The following DNAH17 variants were observed in gnomAD, a reference collection of about 807,000 sequenced individuals.
DNAH17 encodes dynein axonemal heavy chain 17.
Under a neutral mutation model 485.6 loss-of-function variants are expected in DNAH17, and 376 were observed. The ratio of observed to expected loss-of-function variants is 0.77; its 90% CI spans 0.71 to 0.84. The LOEUF (loss-of-function observed/expected upper bound fraction) is 0.84. Ranked by LOEUF, DNAH17 falls within the 40% of genes least tolerant of loss-of-function variation. DNAH17 has a pLI of 0.00. For synonymous variants in DNAH17, 3,031 were observed against 2,405.9 expected, an observed-to-expected ratio of 1.26 and a Z score of -7.60; for missense variants, 6,370 against 5,839.3, an observed-to-expected ratio of 1.09 and a Z score of -2.96.
chr17:78,512,033 GAGC>G (rs1260911029), intron 26 of DNAH17, among the ~76,000 whole-genome samples: 2 of 152,208 alleles, frequency 1.3e-5, no homozygotes, highest in African/African-American at 4.8e-5. Context: ...TGGGCCTAGG[GAGC>G]AGAAGGGCCC....
At chr17:78,485,491 G>A (rs2089561240) in intron 47 of DNAH17, 59 bp downstream of exon 47, 1 of 1,501,092 alleles carries the variant, frequency 6.7e-7, no homozygotes, top group African/African-American at 1.4e-5. Context: ...GGGGACAGGA[G>A]GGAACGGGGA....
chr17:78,511,913 C>T (rs953541503), intron 26 of DNAH17, among the ~76,000 whole-genome samples: 4 of 152,238 alleles, frequency 2.6e-5, no homozygotes, highest in African/African-American at 4.8e-5. Flanking sequence ...TCTCAACACT[C>T]GAAAGGCACC....
In DNAH17 at chr17:78,459,090, C is replaced by T. The variant is rs757495544; in HGVS notation, c.9772G>A (p.Val3258Met). The part of the protein sequence containing the change: ...IVRFYEVYCD[V>M]APKRQALEEA... ...TCCAGTGCCTGCCTCTTGGGCGCCA[C>T]GTCGCAGTAGACCTCGTAGAAGCGG... Residue 3258 changes from valine to methionine, a missense_variant, in exon 61 of 81, where the codon GTG (valine) becomes ATG (methionine). Physicochemically the swap from Val to Met is conservative, Grantham distance 21. Coordinates refer to ENST00000389840, the MANE Select transcript of DNAH17 (RefSeq NM_173628.4). 22 of 1,613,924 alleles carry T rather than the reference C, an allele frequency of 1.4e-5. No homozygotes were observed. The highest frequency in any genetic ancestry group is 4.4e-5 in the South Asian group (4 of 91,094).
Position 78,423,724 on chromosome 17 carries a change from C to G in DNAH17, c.*182G>C, listed in dbSNP as rs1327779311. On this transcript the variant is annotated 3_prime_UTR_variant, in exon 81 of 81. Transcript: ENST00000389840. ...AGTGGCTCCACTGGCTTTAATCTGC[C>G]CCACCTCTTCCACACCAACCTCCAC... 1.3e-6 allele frequency: 1 copy of G among 744,934 alleles called. No homozygotes were observed. The highest frequency in any genetic ancestry group is 2.2e-6 in the Non-Finnish European group (1 of 464,016). The allele number at this position is 744,934 out of a possible 1,614,324, so 46.1% of individuals were successfully genotyped here.
In DNAH17 at chr17:78,451,465, T is replaced by C; in HGVS notation, c.10734+4A>G. The C allele has an allele frequency of 6.2e-7, 1 of 1,605,346 alleles. No individual in the cohort carries two copies. Among genetic ancestry groups the C allele is most frequent in the Non-Finnish European group, 8.5e-7 (1 of 1,175,884 alleles). On this transcript the variant is annotated splice_donor_region_variant and intron_variant, in intron 66 of 80. Transcript: ENST00000389840. ...TCCCGTGTGACCAAACTTCAGGCCA[T>C]TACCTTCAGCTGTTCCAGATCTGGG...
intron 11 of DNAH17, among the ~76,000 whole-genome samples, chr17:78,564,139 G>A (rs1598736437): frequency 6.6e-6 from 1 of 152,012 alleles, no homozygotes; most frequent in East Asian, 1.9e-4. Context: ...ACAGGGTAGG[G>A]GCCTAGGGCT....
intron 73 of DNAH17, 114 bp downstream of exon 73, chr17:78,438,976 C>A: frequency 7.0e-7 from 1 of 1,426,316 alleles, no homozygotes; most frequent in South Asian, 1.5e-5. Flanking sequence ...GGATTTCCAC[C>A]CACATTTCTG....
rs765725696 is a variant in DNAH17 at position 78,525,096 on chromosome 17, G to T, written c.3777C>A (p.Phe1259Leu). 1.2e-6 allele frequency: 2 copies of T among 1,613,776 alleles called. No homozygotes were observed. Among genetic ancestry groups the T allele is most frequent in the Non-Finnish European group, 1.7e-6 (2 of 1,179,874 alleles). Residue 1259 changes from phenylalanine to leucine, a missense_variant, in exon 25 of 81, where the codon TTC becomes TTA. Physicochemically the swap from Phe to Leu is conservative, Grantham distance 22. Coordinates refer to ENST00000389840, the MANE Select transcript of DNAH17 (RefSeq NM_173628.4). ...MEALSKSGGL[F>L]EVPVPDYKQL... Reference sequence around the variant, plus strand: ...GCTTGTAGTCTGGGACGGGGACCTCGAACAGGCCCCCGGACTTGGACAGCG... The same window carrying T: ...GCTTGTAGTCTGGGACGGGGACCTCTAACAGGCCCCCGGACTTGGACAGCG...
At chr17:78,529,293 G>C (rs777034297) in intron 22 of DNAH17, among the ~76,000 whole-genome samples, 179 bp downstream of exon 22, 5 of 152,070 alleles carry the variant, frequency 3.3e-5, no homozygotes, top group Admixed American at 1.3e-4. Flanking sequence ...CAGTCCCCAG[G>C]GTCTCCTGTC....
At chr17:78,429,557 TC>T (rs949693126) in intron 75 of DNAH17, among the ~76,000 whole-genome samples, 1 of 152,144 alleles carries the variant, frequency 6.6e-6, no homozygotes, top group African/African-American at 2.4e-5. Flanking sequence ...GGCACCTCCC[TC>T]CACCTTGGAC....
At chr17:78,454,877 G>C (rs969479614) in intron 63 of DNAH17, among the ~76,000 whole-genome samples, 172 bp from the exon 64 acceptor site, 1 of 151,946 alleles carries the variant, frequency 6.6e-6, no homozygotes, top group Non-Finnish European at 1.5e-5. Context: ...TTTGTAACTC[G>C]GCCAGAAACG....
intron 54 of DNAH17, among the ~76,000 whole-genome samples, chr17:78,472,475 C>A (rs552361872): frequency 3.3e-5 from 5 of 152,120 alleles, no homozygotes; most frequent in Admixed American, 2.6e-4. Flanking sequence ...AGGAAGCTGG[C>A]GGGGAGGCGG....
At chr17:78,491,810 C>A (rs1208447355) in intron 42 of DNAH17, among the ~76,000 whole-genome samples, 1 of 152,246 alleles carries the variant, frequency 6.6e-6, no homozygotes, top group African/African-American at 2.4e-5. Flanking sequence ...TGCACCCTCC[C>A]TGTCAGCCCC....
chr17:78,478,716 C>G (rs577159717), intron 51 of DNAH17, among the ~76,000 whole-genome samples: 2 of 140,186 alleles, frequency 1.4e-5, no homozygotes. Flanking sequence ...ATCACCACCA[C>G]TATTGCCATC....
Position 78,530,436 on chromosome 17 carries a change from C to A in DNAH17, c.3191G>T (p.Cys1064Phe), listed in dbSNP as rs779900524. ...GGCCTGCTTGAAGGGGCGGCAGTCG[C>A]ACTGCAGCCAGCCGTGGAACACCTT... Reference protein sequence around the residue: ...NTKVFHGWLQCDCRPFKQALL... With the variant: ...NTKVFHGWLQFDCRPFKQALL... Residue 1064 changes from cysteine to phenylalanine, a missense_variant, in exon 21 of 81, where the codon TGC becomes TTC. By Grantham distance (205) the Cys-to-Phe change is radical. Transcript: ENST00000389840. The A allele has an allele frequency of 6.2e-7, 1 of 1,613,690 alleles. No homozygotes were observed. The highest frequency in any genetic ancestry group is 1.7e-5 in the Admixed American group (1 of 60,016).
chr17:78,441,132 A>G lies in DNAH17; in HGVS notation c.11596T>C (p.Tyr3866His), dbSNP rs1172897954. ...EGRSVEFSKS[Y>H]EESSPSTSIF... ...GACGTGGAGGGGCTGCTCTCCTCGT[A>G]GGACTTAGAAAACTCAACACTCCGG... Residue 3866 changes from tyrosine (Y) to histidine (H), a missense_variant, in exon 72 of 81, where the codon TAC (tyrosine) becomes CAC (histidine). Physicochemically the swap from Tyr to His is moderately conservative, Grantham distance 83. Coordinates refer to ENST00000389840, the MANE Select transcript of DNAH17 (RefSeq NM_173628.4). 15 of 1,613,946 alleles carry G rather than the reference A, an allele frequency of 9.3e-6. No individual in the cohort carries two copies. In the East Asian group the frequency reaches 3.1e-4, roughly 34 times the overall value.
chr17:78,550,534 CAAG>C (rs2091879186), intron 16 of DNAH17, among the ~76,000 whole-genome samples: 1 of 151,896 alleles, frequency 6.6e-6, no homozygotes, highest in Admixed American at 6.6e-5. Flanking sequence ...CCTTATGAGA[CAAG>C]GAGATGAGGA....
In DNAH17 at chr17:78,434,046, G is replaced by A. The variant is rs9889397; in HGVS notation, c.12208C>T (p.Leu4070=). 184 of 1,610,384 alleles carry A rather than the reference G, an allele frequency of 1.1e-4. No individual in the cohort carries two copies. The African/African-American group carries it at 1.9e-3, about 17-fold the overall frequency. ...TISINVLYNY[L]EANPKVPWDD... ...CCCCTCACCTTGGGGTTGGCCTCCAGGTAGTTGTAGAGCACGTTGATGGAG... is the reference window on the plus strand; with the variant it reads ...CCCCTCACCTTGGGGTTGGCCTCCAAGTAGTTGTAGAGCACGTTGATGGAG... Residue 4070 remains leucine (L), a synonymous_variant, in exon 75 of 81, where the codon CTG becomes TTG. Coordinates refer to ENST00000389840, the MANE Select transcript of DNAH17 (RefSeq NM_173628.4).
At chr17:78,491,839 G>A (rs2089871519) in intron 42 of DNAH17, among the ~76,000 whole-genome samples, 1 of 152,192 alleles carries the variant, frequency 6.6e-6, no homozygotes. Context: ...GCCCTGGCTG[G>A]CTCAGTTTTT....
Sources: gnomAD v4.1 joint callset for allele counts (sites outside exome capture counted in the v4.1 genomes callset) on GRCh38, gnomAD v4.1.1 for gene constraint, MANE v1.5 for transcripts, NCBI Gene and HGNC (gene_info 2026-07-23, HGNC 2026-07-21) for gene names.